Variants in PTPRQ observed in about 807,000 individuals in gnomAD.
PTPRQ encodes the protein phosphatidylinositol phosphatase PTPRQ.
A neutral mutation model predicts 246.0 loss-of-function variants in PTPRQ; 199 were observed. That is an observed-to-expected ratio of 0.81 (90% CI 0.72 to 0.91). The LOEUF (loss-of-function observed/expected upper bound fraction) is 0.91, where lower values mean the gene tolerates loss of function less well. Ranked by LOEUF, PTPRQ falls within the 40% of genes least tolerant of loss-of-function variation. PTPRQ has a pLI of 0.00. For synonymous variants in PTPRQ, 869 were observed against 853.2 expected (o/e 1.02, Z -0.32); for missense variants, 2,624 against 2,528.4 (o/e 1.04, Z -0.81).
At chr12:80,535,446 G>A (rs1267761819) in intron 19 of PTPRQ, among the ~76,000 whole-genome samples, 4 of 151,980 alleles carry the variant, frequency 2.6e-5, no homozygotes, top group African/African-American at 7.3e-5. Flanking sequence ...AATAGTTCTA[G>A]TGTTTGGATG....
chr12:80,444,818 T>A lies in PTPRQ; in HGVS notation c.132T>A (p.Pro44=). 2 of 1,535,976 alleles carry A rather than the reference T, an allele frequency of 1.3e-6. No individual in the cohort carries two copies. The highest frequency in any genetic ancestry group is 1.8e-6 in the Non-Finnish European group (2 of 1,136,774). Residue 44 remains proline, a synonymous_variant, in exon 2 of 45, where the codon CCT becomes CCA. Transcript: ENST00000644991. ...CAATTTCTACAACATACACCTCACC[T>A]GTTACTAGAATAGTGACAACAAATG... The part of the protein sequence containing the change: ...ISSISTTYTS[P]VTRIVTTNVT...
At chr12:80,622,539 G>T (rs761878679) in intron 33 of PTPRQ, among the ~76,000 whole-genome samples, 1 of 152,104 alleles carries the variant, frequency 6.6e-6, no homozygotes, top group Non-Finnish European at 1.5e-5. Flanking sequence ...AAAACAGCCC[G>T]TAATGTCAGT....
intron 33 of PTPRQ, among the ~76,000 whole-genome samples, chr12:80,629,633 T>C (rs1360460876): frequency 1.3e-5 from 2 of 151,368 alleles, no homozygotes; most frequent in Non-Finnish European, 2.9e-5. Context: ...AGATCACACA[T>C]GCCACTGGAA....
rs1457204305 is a variant in PTPRQ, at chr12:80,669,066, A to C, written c.6252A>C (p.Gly2084=). Residue 2084 remains glycine (G), a synonymous_variant, in exon 40 of 45, where the codon GGA becomes GGC. Coordinates refer to ENST00000644991, the MANE Select transcript of PTPRQ (RefSeq NM_001145026.2). ...AAGGTCCACTACCAGGAACAGTTGG[A>C]GATTTTTGGAGAATGGTGTGGGAAA... ...ATQGPLPGTV[G]DFWRMVWETR... is the part of the protein sequence containing the mutation. 6.4e-7 allele frequency: 1 copy of C among 1,550,572 alleles called. No homozygotes were observed. Among genetic ancestry groups the C allele is most frequent in the Non-Finnish European group, 8.7e-7 (1 of 1,146,138 alleles).
intron 36 of PTPRQ, among the ~76,000 whole-genome samples, chr12:80,649,349 C>G (rs1181217696): frequency 1.3e-5 from 2 of 151,940 alleles, no homozygotes; most frequent in Non-Finnish European, 2.9e-5. Flanking sequence ...ATGCTAAATC[C>G]TTTATTTAAT....
chr12:80,599,367 C>T (rs1898068568), intron 26 of PTPRQ, among the ~76,000 whole-genome samples: 4 of 151,828 alleles, frequency 2.6e-5, no homozygotes, highest in Admixed American at 2.6e-4. Context: ...GATATCTTGG[C>T]CCATTACTGA....
chr12:80,498,240 A>G (rs1200516639), intron 14 of PTPRQ, among the ~76,000 whole-genome samples: 6 of 152,060 alleles, frequency 3.9e-5, no homozygotes, highest in Non-Finnish European at 8.8e-5. Context: ...AGGAAATGAA[A>G]CAAGCATATT....
chr12:80,642,899 G>A (rs1011188201), intron 35 of PTPRQ, among the ~76,000 whole-genome samples: 1 of 119,032 alleles, frequency 8.4e-6, no homozygotes, highest in Non-Finnish European at 1.6e-5. Flanking sequence ...CAGCCTGGGC[G>A]ACAGAGCGAG....
At chr12:80,654,637 C>T (rs1900368708) in intron 38 of PTPRQ, among the ~76,000 whole-genome samples, 1 of 146,192 alleles carries the variant, frequency 6.8e-6, no homozygotes, top group Admixed American at 7.0e-5. Flanking sequence ...CACTTGAGGT[C>T]AGAAGTTCAA....
chr12:80,582,143 T>C (rs1357818592), intron 25 of PTPRQ, among the ~76,000 whole-genome samples: 2 of 152,224 alleles, frequency 1.3e-5, no homozygotes, highest in South Asian at 2.1e-4. Flanking sequence ...TATCATTTCA[T>C]AGAGGCTGGT....
intron 27 of PTPRQ, among the ~76,000 whole-genome samples, chr12:80,608,937 T>G (rs1341779530): frequency 6.6e-6 from 1 of 150,646 alleles, no homozygotes. Context: ...TTATGTGATA[T>G]TCAAATGTTA....
intron 25 of PTPRQ, among the ~76,000 whole-genome samples, chr12:80,582,587 AG>A (rs1411932012): frequency 1.3e-5 from 2 of 152,210 alleles, no homozygotes; most frequent in Non-Finnish European, 2.9e-5. Context: ...GTCTGGAACC[AG>A]GAGGCTGGTT....
chr12:80,588,308 C>G lies in PTPRQ; in HGVS notation c.4465C>G (p.Gln1489Glu). ...AGAATGTGTTGAATATCAAAAAATT[C>G]AATACCTCTATGAAGCTCACTTAAC... ...SEECVEYQKI[Q>E]YLYEAHLTEE... Residue 1489 changes from glutamine (Q) to glutamate (E), a missense_variant, in exon 26 of 45, where the codon CAA (glutamine) becomes GAA (glutamate). Gln to Glu is a conservative substitution (Grantham distance 29, BLOSUM62 2). Coordinates refer to ENST00000644991, the MANE Select transcript of PTPRQ (RefSeq NM_001145026.2). 1 of 1,551,514 alleles carries G rather than the reference C, an allele frequency of 6.4e-7. No individual in the cohort carries two copies. Among genetic ancestry groups the G allele is most frequent in the South Asian group, 1.2e-5 (1 of 84,024 alleles).
chr12:80,632,985 G>C (rs1899497529), intron 34 of PTPRQ, among the ~76,000 whole-genome samples: 1 of 152,106 alleles, frequency 6.6e-6, no homozygotes, highest in African/African-American at 2.4e-5. Context: ...AATAATGCAG[G>C]ATTGGATCCC....
intron 14 of PTPRQ, among the ~76,000 whole-genome samples, chr12:80,501,676 G>T (rs958509036): frequency 3.3e-5 from 5 of 152,032 alleles, no homozygotes; most frequent in Middle Eastern, 3.4e-3. Context: ...TTGAGAAGTA[G>T]AAGAGCTAAT....
chr12:80,573,966 A>G (rs1897218617), intron 25 of PTPRQ, among the ~76,000 whole-genome samples: 1 of 152,112 alleles, frequency 6.6e-6, no homozygotes, highest in Admixed American at 6.5e-5. Flanking sequence ...TTTCCGCCTA[A>G]TCGTTCTAAC....
chr12:80,536,054 C>G (rs1895978972), intron 19 of PTPRQ, among the ~76,000 whole-genome samples: 1 of 152,216 alleles, frequency 6.6e-6, no homozygotes, highest in African/African-American at 2.4e-5. Context: ...TTGCAGTGAG[C>G]TGAGATCCCG....
At chr12:80,478,250 G>A (rs12811974) in intron 8 of PTPRQ, among the ~76,000 whole-genome samples, 82,659 of 150,010 alleles carry the variant, frequency 0.55, 25,689 homozygotes, top group Non-Finnish European at 0.7. Context: ...TAACTGGGAG[G>A]CATCCCCCAG....
chr12:80,658,907 A>G (rs1375211370), intron 39 of PTPRQ, among the ~76,000 whole-genome samples: 2 of 151,928 alleles, frequency 1.3e-5, no homozygotes, highest in African/African-American at 4.8e-5. Context: ...CTCTTGTTAT[A>G]TGACGTTCCA....
Sources: allele counts gnomAD v4.1 joint callset (sites outside exome capture counted in the v4.1 genomes callset), GRCh38; gene constraint gnomAD v4.1.1; transcripts MANE v1.5; gene names NCBI Gene and HGNC (gene_info 2026-07-23, HGNC 2026-07-21).